Variants in NUCB1 observed in about 807,000 individuals in gnomAD.
NUCB1 encodes the protein nucleobindin-1.
Under a neutral mutation model 61.2 loss-of-function variants are expected in NUCB1, and 47 were observed. The ratio of observed to expected loss-of-function variants is 0.77; its 90% CI spans 0.61 to 0.98. The LOEUF is 0.98. Among genes scored for constraint, NUCB1 ranks in the 50% least tolerant of loss-of-function variants. NUCB1 has a pLI of 0.00. For missense variants in NUCB1, 583 were observed against 605.3 expected (o/e 0.96, Z 0.39); for synonymous variants, 234 against 243.1 (o/e 0.96, Z 0.35).
chr19:48,913,374 A>G, intron 6 of NUCB1, 100 bp from the exon 7 acceptor site: 1 of 1,260,198 alleles, frequency 7.9e-7, no homozygotes, highest in Non-Finnish European at 1.1e-6. Flanking sequence ...TTCTTGCTTG[A>G]GGGAGATGAT....
chr19:48,901,195 G>A (rs2037350713), intron 2 of NUCB1: 1 of 592,874 alleles, frequency 1.7e-6, no homozygotes, highest in Non-Finnish European at 3.1e-6. Flanking sequence ...GAAGGAATTT[G>A]AAAACAAACA....
At chr19:48,920,570 C>T (rs951020506) in intron 10 of NUCB1, among the ~76,000 whole-genome samples, 3 of 152,108 alleles carry the variant, frequency 2.0e-5, no homozygotes, top group Non-Finnish European at 2.9e-5. Flanking sequence ...GTTGCCCAGG[C>T]TGTAGTGCAA....
chr19:48,914,006 T>C (rs1471970366), intron 7 of NUCB1, among the ~76,000 whole-genome samples: 1 of 150,642 alleles, frequency 6.6e-6, no homozygotes, highest in Admixed American at 6.6e-5. Context: ...CTTGCTCTGT[T>C]GCCCAGGCTG....
rs539640692 is a variant in NUCB1, at chr19:48,900,896, C to G, written c.100C>G (p.Pro34Ala). The change falls in exon 2 of 13, where the codon CCC (proline) becomes GCC (alanine). Residue 34 changes from proline (P) to alanine (A), a missense_variant. Coordinates refer to ENST00000405315, the MANE Select transcript of NUCB1 (RefSeq NM_006184.6). ...VLAVPLERGA[P>A]NKEETPATES... The stretch of plus-strand genomic sequence containing the variant: ...GGCTGTCCCCCTGGAGCGAGGGGCG[C>G]CCAACAAGGAGGAGACCCCTGCGAC... 22 of 1,613,904 alleles carry G rather than the reference C, an allele frequency of 1.4e-5. No homozygotes were observed. The highest frequency in any genetic ancestry group is 1.8e-5 in the Non-Finnish European group (21 of 1,180,038).
chr19:48,908,648 C>CGTGTGTGTGTGCGTGTGT (rs2037436754), intron 4 of NUCB1, among the ~76,000 whole-genome samples: 1 of 86,496 alleles, frequency 1.2e-5, no homozygotes, highest in African/African-American at 5.4e-5. Context: ...TCTAGCTGCC[C>CGTGTGTGTGTGCGTGTGT]GTGTGTGTGT....
intron 7 of NUCB1, among the ~76,000 whole-genome samples, chr19:48,916,199 T>TGTGTGTGTG (rs59803850): frequency 1.3e-5 from 2 of 151,944 alleles, no homozygotes; most frequent in African/African-American, 2.4e-5. Context: ...TGTGTGTGTG[T>TGTGTGTGTG]TTGGCTTATT....
At chr19:48,918,823 C>T (rs751513632) in intron 8 of NUCB1, 39 bp downstream of exon 8, 1 of 1,571,898 alleles carries the variant, frequency 6.4e-7, no homozygotes, top group Non-Finnish European at 8.8e-7. Context: ...GGAGGGACGC[C>T]CAAATCAGCC....
intron 11 of NUCB1, 45 bp downstream of exon 11, chr19:48,921,369 C>CCCGTGT (rs1488758295): frequency 6.5e-7 from 1 of 1,548,090 alleles, no homozygotes; most frequent in Non-Finnish European, 8.7e-7. Flanking sequence ...TCTCTGGCTG[C>CCCGTGT]CCGTGTCCGT....
At chr19:48,919,931 G>T (rs549005514) in intron 10 of NUCB1, among the ~76,000 whole-genome samples, 1 of 152,038 alleles carries the variant, frequency 6.6e-6, no homozygotes, top group Admixed American at 6.6e-5. Context: ...ACCATGCCTG[G>T]CTAATTTTTG....
intron 3 of NUCB1, among the ~76,000 whole-genome samples, chr19:48,904,954 G>A (rs2037396357): frequency 6.8e-6 from 1 of 147,878 alleles, no homozygotes; most frequent in African/African-American, 2.6e-5. Context: ...CAGAATACGT[G>A]TTTAGTGCAG....
At chr19:48,906,401 C>A (rs1374699831) in intron 4 of NUCB1, among the ~76,000 whole-genome samples, 3 of 115,924 alleles carry the variant, frequency 2.6e-5, no homozygotes, top group African/African-American at 1.4e-4. Flanking sequence ...GAAACTCTGA[C>A]TCAAAAAAAA....
intron 2 of NUCB1, 45 bp from the exon 3 acceptor site, chr19:48,904,302 T>G: frequency 4.7e-6 from 6 of 1,284,258 alleles, no homozygotes; most frequent in East Asian, 2.3e-5. Context: ...AGGGTGGGGA[T>G]GGGGATGGGA....
At chr19:48,914,209 C>T (rs2037513620) in intron 7 of NUCB1, among the ~76,000 whole-genome samples, 3 of 152,166 alleles carry the variant, frequency 2.0e-5, no homozygotes, top group East Asian at 1.9e-4. Context: ...CTCCCAACCT[C>T]GTGTGATCTG....
At chr19:48,920,599 T>C (rs8103752) in intron 10 of NUCB1, among the ~76,000 whole-genome samples, 147,163 of 152,144 alleles carry the variant, frequency 0.97, 71,200 homozygotes, top group Admixed American at 0.98. Context: ...TCTCAGCTCA[T>C]TGCAACCTCC....
intron 3 of NUCB1, 33 bp downstream of exon 3, chr19:48,904,487 G>A (rs763717524): frequency 1.5e-6 from 2 of 1,367,938 alleles, no homozygotes; most frequent in South Asian, 1.2e-5. Flanking sequence ...TGTGGGAGGG[G>A]TACGTGCTGG....
chr19:48,920,486 C>G (rs193180469), intron 10 of NUCB1, among the ~76,000 whole-genome samples: 35 of 152,182 alleles, frequency 2.3e-4, no homozygotes, highest in Non-Finnish European at 1.5e-5. Context: ...ACCACCATGC[C>G]CAGCTAATCT....
At chr19:48,904,298 G>C (rs747861031) in intron 2 of NUCB1, 49 bp from the exon 3 acceptor site, 3 of 1,243,444 alleles carry the variant, frequency 2.4e-6, no homozygotes, top group Non-Finnish European at 3.6e-6. Flanking sequence ...AGTGAGGGTG[G>C]GGATGGGGAT....
At chr19:48,913,845 C>T (rs985271653) in intron 7 of NUCB1, among the ~76,000 whole-genome samples, 68 of 152,346 alleles carry the variant, frequency 4.5e-4, no homozygotes, top group African/African-American at 1.6e-3. Context: ...GGCCTGGGCC[C>T]TCTGCCCACA....
intron 3 of NUCB1, 114 bp from the exon 4 acceptor site, chr19:48,905,639 A>C: frequency 8.0e-7 from 1 of 1,244,548 alleles, no homozygotes; most frequent in Non-Finnish European, 1.1e-6. Flanking sequence ...GAGCTGGGGG[A>C]CTATAAGCAG....
Sources: allele counts gnomAD v4.1 joint callset (sites outside exome capture counted in the v4.1 genomes callset), GRCh38; gene constraint gnomAD v4.1.1; transcripts MANE v1.5; gene names NCBI Gene and HGNC (gene_info 2026-07-23, HGNC 2026-07-21).